Variants in DHX40 observed in about 807,000 individuals in gnomAD.
DHX40 encodes the protein DEAH-box helicase 40.
A neutral mutation model predicts 89.6 loss-of-function variants in DHX40; 28 were observed. The ratio of observed to expected loss-of-function variants is 0.31; its 90% confidence interval spans 0.23 to 0.43. The LOEUF is 0.43. Among genes scored for constraint, DHX40 ranks in the 20% least tolerant of loss-of-function variants. DHX40 has a pLI of 1.00. For synonymous variants in DHX40, 226 were observed against 283.6 expected, an observed-to-expected ratio of 0.80 and a Z score of 2.04; for missense variants, 457 against 844.0, an observed-to-expected ratio of 0.54 and a Z score of 5.68.
At chr17:59,581,871 CATTAG>C (rs2048951459) in intron 10 of DHX40, among the ~76,000 whole-genome samples, 1 of 122,736 alleles carries the variant, frequency 8.1e-6, no homozygotes, top group Non-Finnish European at 1.6e-5. Context: ...TGATAGTTAT[CATTAG>C]ATTAGAGATT....
At position 59,573,723 on chromosome 17, in the gene DHX40, A is replaced by G; in HGVS notation, c.547-17A>G. The G allele has an allele frequency of 6.2e-7, 1 of 1,613,456 alleles. No homozygotes were observed. Among genetic ancestry groups the G allele is most frequent in the Non-Finnish European group, 8.5e-7 (1 of 1,179,674 alleles). ...TAAGTGTACTTGTGACTTACTAGAA[A>G]TTTACTTTTCTTTCAGGATATCTTA... On this transcript the variant is annotated splice_polypyrimidine_tract_variant and intron_variant, in intron 4 of 17. Coordinates refer to ENST00000251241, the MANE Select transcript of DHX40 (RefSeq NM_024612.5).
At chr17:59,591,375 A>G (rs907803940) in intron 12 of DHX40, among the ~76,000 whole-genome samples, 11 of 151,472 alleles carry the variant, frequency 7.3e-5, no homozygotes, top group Non-Finnish European at 3.0e-5. Context: ...GTATTGAAGT[A>G]GGAGTTAAGA....
chr17:59,570,717 C>T (rs2048794577), intron 3 of DHX40, 54 bp downstream of exon 3: 1 of 1,547,672 alleles, frequency 6.5e-7, no homozygotes. Flanking sequence ...CAGGGTCTTG[C>T]TCTGTCGCCC....
intron 2 of DHX40, 126 bp from the exon 3 acceptor site, chr17:59,570,392 T>G (rs2048789432): frequency 2.4e-6 from 2 of 844,896 alleles, no homozygotes; most frequent in Non-Finnish European, 3.3e-6. Flanking sequence ...CAGTGTGTTT[T>G]TAATTTGCGA....
In DHX40 at chr17:59,581,773, A is replaced by G. The variant is rs2523382; in HGVS notation, c.1343+1894A>G. ...AAACTCTGTCTCCAAAAAAAAAAAA[A>G]AACCAAAAAAAGCAAAAAAAAACCC... On this transcript the variant is annotated intron_variant, in intron 10 of 17. Transcript: ENST00000251241. Among the ~76,000 whole-genome samples the G allele has an allele frequency of 5.8e-5, 7 of 121,614 alleles. 3 individuals are homozygous for G. Among genetic ancestry groups the G allele is most frequent in the Non-Finnish European group, 1.1e-4 (7 of 62,324 alleles). 79.8% of individuals were successfully genotyped at this position (121,614 alleles called of 152,430 possible).
At chr17:59,603,433 GC>G (rs1192029452) in intron 15 of DHX40, 1 of 152,216 alleles carries the variant, frequency 6.6e-6, no homozygotes, top group Admixed American at 6.6e-5. Context: ...GAGAAATGGG[GC>G]TGGGAAAATG....
chr17:59,607,174 G>A lies in DHX40; in HGVS notation c.*2G>A, dbSNP rs897594221. ...GACACACGAAAGGAAACAGGCTAAG[G>A]TGGTGAACCCTCCAATTCAGGAAGT... is the stretch of plus-strand genomic sequence containing the variant. On this transcript the variant is annotated 3_prime_UTR_variant, in exon 18 of 18. Coordinates refer to ENST00000251241, the MANE Select transcript of DHX40 (RefSeq NM_024612.5). 1.2e-6 allele frequency: 2 copies of A among 1,614,240 alleles called. No individual in the cohort carries two copies. The highest frequency in any genetic ancestry group is 1.1e-5 in the South Asian group (1 of 91,082).
chr17:59,571,668 G>A (rs926334070), intron 3 of DHX40, among the ~76,000 whole-genome samples: 4 of 150,484 alleles, frequency 2.7e-5, no homozygotes, highest in African/African-American at 4.9e-5. Flanking sequence ...TCCACTCCCT[G>A]CAACCTCTGC....
chr17:59,588,609 G>T (rs2143293912), intron 12 of DHX40, among the ~76,000 whole-genome samples: 1 of 152,190 alleles, frequency 6.6e-6, no homozygotes. Flanking sequence ...TGGGATTACA[G>T]GCGTGAGCCA....
At chr17:59,605,873 G>A (rs1421476951) in intron 17 of DHX40, 199 bp downstream of exon 17, 1 of 642,682 alleles carries the variant, frequency 1.6e-6, no homozygotes, top group East Asian at 3.1e-5. Flanking sequence ...GCTGATGCAG[G>A]AGGATCGCTT....
At chr17:59,597,710 G>A (rs2030179798) in intron 12 of DHX40, among the ~76,000 whole-genome samples, 1 of 150,532 alleles carries the variant, frequency 6.6e-6, no homozygotes, top group South Asian at 2.1e-4. Context: ...GCCGAGACGG[G>A]CAGATCACAA....
intron 10 of DHX40, among the ~76,000 whole-genome samples, chr17:59,585,454 G>T (rs2048980073): frequency 6.6e-6 from 1 of 151,018 alleles, no homozygotes; most frequent in African/African-American, 2.5e-5. Context: ...TGGGTGCGGT[G>T]GCTCACGCCT....
intron 6 of DHX40, among the ~76,000 whole-genome samples, chr17:59,574,682 A>T (rs533621034): frequency 1.3e-5 from 2 of 151,638 alleles, no homozygotes; most frequent in African/African-American, 4.9e-5. Context: ...TCTGTCTTAG[A>T]TAGAAATGTA....
At chr17:59,591,738 T>C (rs537841100) in intron 12 of DHX40, among the ~76,000 whole-genome samples, 2 of 151,888 alleles carry the variant, frequency 1.3e-5, no homozygotes, top group Non-Finnish European at 2.9e-5. Context: ...AATGGATTTT[T>C]TTCTTTTTCT....
In DHX40 at chr17:59,577,378, A is replaced by G. The variant is rs749534156; in HGVS notation, c.1073+13A>G. The G allele has an allele frequency of 6.2e-7, 1 of 1,607,212 alleles. No individual in the cohort carries two copies. The highest frequency in any genetic ancestry group is 2.2e-5 in the East Asian group (1 of 44,824). Reference sequence around the variant, plus strand: ...TAGATGGAATCAGGTAAAACTTTTGAACTTTCTCTTAAAGTCAAGGAAGCC... The same window carrying G: ...TAGATGGAATCAGGTAAAACTTTTGGACTTTCTCTTAAAGTCAAGGAAGCC... On this transcript the variant is annotated intron_variant, in intron 8 of 17. Transcript: ENST00000251241.
At chr17:59,604,598 G>A (rs1036486857) in intron 15 of DHX40, 4 of 154,166 alleles carry the variant, frequency 2.6e-5, no homozygotes, top group African/African-American at 9.7e-5. Context: ...CATTTAGGTA[G>A]GGTAATGTAG....
intron 15 of DHX40, 121 bp from the exon 16 acceptor site, chr17:59,604,994 C>G: frequency 1.3e-6 from 1 of 790,792 alleles, no homozygotes; most frequent in Non-Finnish European, 2.1e-6. Flanking sequence ...AAATGTAAAC[C>G]TCTGCTTATA....
chr17:59,600,254 CTG>C (rs982281456), intron 14 of DHX40, among the ~76,000 whole-genome samples: 1 of 151,876 alleles, frequency 6.6e-6, no homozygotes, highest in Admixed American at 6.6e-5. Context: ...TTCTTGGAAA[CTG>C]TGAGTTTAAG....
rs2048834579 is a variant in DHX40 at position 59,573,183 on chromosome 17, C to T, written c.494C>T (p.Thr165Ile). The stretch of plus-strand genomic sequence containing the variant: ...CATATTCTGGGAGACCCAAATCTTA[C>T]CAAATTCAGTGTCATTATTTTGGAT... ...LKHILGDPNL[T>I]KFSVIILDEA... The change falls in exon 4 of 18, where the codon ACC (threonine) becomes ATC (isoleucine). Residue 165 changes from threonine (T) to isoleucine (I), a missense_variant. Coordinates refer to ENST00000251241, the MANE Select transcript of DHX40 (RefSeq NM_024612.5). The T allele has an allele frequency of 3.7e-6, 6 of 1,613,438 alleles. No homozygotes were observed. In the Middle Eastern group the frequency reaches 6.6e-4, roughly 177 times the overall value.
Sources: gnomAD v4.1 joint callset for allele counts (sites outside exome capture counted in the v4.1 genomes callset) on GRCh38, gnomAD v4.1.1 for gene constraint, MANE v1.5 for transcripts, NCBI Gene and HGNC (gene_info 2026-07-23, HGNC 2026-07-21) for gene names.